The following PRDM11 variants were observed in gnomAD, a reference collection of about 807,000 sequenced individuals.
PRDM11 encodes PR/SET domain 11.
A neutral mutation model predicts 97.8 loss-of-function variants in PRDM11; 20 were observed. The observed-to-expected ratio is 0.20, with a 90% CI of 0.14 to 0.30. The LOEUF (loss-of-function observed/expected upper bound fraction) is 0.30, where lower values mean the gene tolerates loss of function less well. Ranked by LOEUF, PRDM11 falls within the 10% of genes least tolerant of loss-of-function variation. The pLI, the probability that PRDM11 is intolerant of heterozygous loss-of-function variation, is 1.00. For synonymous variants in PRDM11, 599 were observed against 637.7 expected (o/e 0.94, Z 0.91); for missense variants, 1,139 against 1,555.2 (o/e 0.73, Z 4.50).
At chr11:45,146,265 C>T (rs1851505213), upstream of PRDM11, among the ~76,000 whole-genome samples, 1 of 152,156 alleles carries the variant, frequency 6.6e-6, no homozygotes, top group African/African-American at 2.4e-5. Flanking sequence ...GTCGACTCCC[C>T]CCGACTATTT....
intron 1 of PRDM11, 96 bp downstream of exon 1, chr11:45,146,973 C>T (rs1016368342): frequency 4.8e-5 from 7 of 145,800 alleles, no homozygotes; most frequent in African/African-American, 1.5e-4. Context: ...GGTGCGGGGG[C>T]CGGGAGCGGC....
intron 4 of PRDM11, among the ~76,000 whole-genome samples, chr11:45,195,600 A>G (rs569730253): frequency 2.0e-5 from 3 of 150,076 alleles, no homozygotes; most frequent in African/African-American, 7.4e-5. Flanking sequence ...CTGAGACATC[A>G]TCTCTCTCTG....
chr11:45,191,825 T>A (rs528326080), intron 4 of PRDM11, among the ~76,000 whole-genome samples: 1 of 150,642 alleles, frequency 6.6e-6, no homozygotes, highest in Non-Finnish European at 1.5e-5. Flanking sequence ...ATTATTATTA[T>A]TACTATTATT....
At position 45,228,203 on chromosome 11, in the gene PRDM11, T is replaced by A. The variant is rs1854323344; in HGVS notation, c.*44T>A. On this transcript the variant is annotated 3_prime_UTR_variant, in exon 8 of 8. Coordinates refer to ENST00000683152, the MANE Select transcript of PRDM11 (RefSeq NM_001384648.1). ...TTCACTAAGCTGTTGAATATTTTTT[T>A]AATCTATACTCATAAGCTTTGATAT... is the stretch of plus-strand genomic sequence containing the variant. The A allele has an allele frequency of 3.7e-6, 5 of 1,367,910 alleles. No homozygotes were observed. Among genetic ancestry groups the A allele is most frequent in the East Asian group, 2.6e-5 (1 of 38,526 alleles). The allele number at this position is 1,367,910 out of a possible 1,614,324, so 84.7% of individuals were successfully genotyped here.
intron 1 of PRDM11, chr11:45,147,286 A>G (rs908070955): frequency 2.0e-5 from 3 of 151,150 alleles, no homozygotes; most frequent in Non-Finnish European, 2.9e-5. Flanking sequence ...ACGCGGTGAC[A>G]CGGACGGGGC....
chr11:45,227,951 A>C lies in PRDM11; in HGVS notation c.3326A>C (p.Glu1109Ala). The C allele has an allele frequency of 6.5e-7, 1 of 1,533,896 alleles. No homozygotes were observed. The highest frequency in any genetic ancestry group is 2.4e-5 in the East Asian group (1 of 40,910). Residue 1109 changes from glutamate to alanine, a missense_variant, in exon 8 of 8, where the codon GAG becomes GCG. Glu to Ala is a moderately radical substitution (Grantham distance 107, BLOSUM62 -1). Around this residue, in one of 2 missense-constraint regions of PRDM11, gnomAD observed 710 missense variants for 1,044.9 expected, o/e 0.68. Coordinates refer to ENST00000683152, the MANE Select transcript of PRDM11 (RefSeq NM_001384648.1). The surrounding 1 kb of genome is among the most constrained non-coding windows in gnomAD (Gnocchi z 8.0). ...RKNHRSRLTL[E>A]QLSDLLTIAV... ...AACCACCGCTCCCGCCTGACCCTGG[A>C]GCAGCTTAGCGACCTGTTGACAATC...
rs180887681 is a variant in PRDM11 at position 45,227,985 on chromosome 11, C to T, written c.3360C>T (p.Asn1120=). 33 of 1,533,828 alleles carry T rather than the reference C, an allele frequency of 2.2e-5. 1 individual carries two copies. The Admixed American group carries it at 2.9e-4, about 14-fold the overall frequency. The part of the protein sequence containing the change: ...QLSDLLTIAV[N]GPPITNFDAK... ...GCGACCTGTTGACAATCGCTGTAAACGGACCGCCAATCACCAACTTTGATG... is the reference window on the plus strand; with the variant it reads ...GCGACCTGTTGACAATCGCTGTAAATGGACCGCCAATCACCAACTTTGATG... Residue 1120 remains asparagine, a synonymous_variant, in exon 8 of 8, where the codon AAC becomes AAT. Transcript: ENST00000683152. The surrounding 1 kb of genome is among the most constrained non-coding windows in gnomAD (Gnocchi z 8.0).
chr11:45,141,894 T>C (rs1272281378), upstream of PRDM11, among the ~76,000 whole-genome samples: 1 of 152,144 alleles, frequency 6.6e-6, no homozygotes, highest in Non-Finnish European at 1.5e-5. Flanking sequence ...AAGGGAGTTT[T>C]TGTTGTTTCA....
intron 1 of PRDM11, among the ~76,000 whole-genome samples, chr11:45,119,294 A>T (rs772830935): frequency 7.9e-5 from 12 of 152,180 alleles, no homozygotes; most frequent in Non-Finnish European, 1.8e-4. Context: ...AGCTCAAAAC[A>T]TTCCAAGGTC....
intron 4 of PRDM11, among the ~76,000 whole-genome samples, chr11:45,196,972 T>A (rs1853144737): frequency 6.6e-6 from 1 of 152,218 alleles, no homozygotes; most frequent in Non-Finnish European, 1.5e-5. Context: ...TAAATACTAA[T>A]GCTTGTTGCA....
At chr11:45,115,706 G>T (rs959940196) in intron 1 of PRDM11, among the ~76,000 whole-genome samples, 1 of 152,016 alleles carries the variant, frequency 6.6e-6, no homozygotes, top group Admixed American at 6.6e-5. Context: ...GACGGGGGTG[G>T]ATCACCTGAC....
intron 1 of PRDM11, among the ~76,000 whole-genome samples, chr11:45,123,098 G>T (rs975575428): frequency 3.3e-5 from 5 of 152,172 alleles, no homozygotes; most frequent in South Asian, 2.1e-4. Context: ...GGCCAGTGAT[G>T]ATGAGCATTT....
At chr11:45,112,945 TTTTAG>T (rs1462511521) in intron 1 of PRDM11, among the ~76,000 whole-genome samples, 1 of 152,162 alleles carries the variant, frequency 6.6e-6, no homozygotes, top group Non-Finnish European at 1.5e-5. Context: ...TGCAGAAGCT[TTTTAG>T]TTTAATTAGG....
At chr11:45,107,523 G>A (rs1467342739) in intron 1 of PRDM11, among the ~76,000 whole-genome samples, 1 of 152,162 alleles carries the variant, frequency 6.6e-6, no homozygotes, top group Non-Finnish European at 1.5e-5. Flanking sequence ...AACTGATGAA[G>A]CAGAACAGAG....
chr11:45,115,131 T>C (rs2135615514), intron 1 of PRDM11, among the ~76,000 whole-genome samples: 1 of 145,816 alleles, frequency 6.9e-6, no homozygotes, highest in East Asian at 2.0e-4. Context: ...GAGCTCATAA[T>C]GTATATAGCA....
chr11:45,113,580 G>A (rs1316530740), intron 1 of PRDM11, among the ~76,000 whole-genome samples: 1 of 152,136 alleles, frequency 6.6e-6, no homozygotes, highest in Non-Finnish European at 1.5e-5. Flanking sequence ...CTATCCATGA[G>A]CATGGGATGT....
chr11:45,123,900 A>C (rs1400768831), intron 1 of PRDM11, among the ~76,000 whole-genome samples: 1 of 147,196 alleles, frequency 6.8e-6, no homozygotes, highest in Non-Finnish European at 1.5e-5. Flanking sequence ...TGGTAGCTTG[A>C]TGGGGATGGC....
intron 1 of PRDM11, among the ~76,000 whole-genome samples, chr11:45,119,428 C>A (rs550285269): frequency 6.6e-6 from 1 of 152,034 alleles, no homozygotes; most frequent in African/African-American, 2.4e-5. Flanking sequence ...GAGATCGAGA[C>A]CATTCTGGCT....
chr11:45,139,652 CATCTT>C lies in PRDM11; in HGVS notation c.97-42107_97-42103del. Among the ~76,000 whole-genome samples the C allele has an allele frequency of 2.0e-5, 3 of 151,274 alleles. No individual in the cohort carries two copies. The Middle Eastern group carries it at 0.01, about 529-fold the overall frequency. ...ACCCTGAAATTTCATTTTGGGAACTCATCTTAAGGGAATAACCAGAGAAGCAAACA... is the reference window on the plus strand; with the variant it reads ...ACCCTGAAATTTCATTTTGGGAACTCAAGGGAATAACCAGAGAAGCAAACA... On this transcript the variant is annotated intron_variant, in intron 1 of 6. Transcript: ENST00000530656.
Sources: gnomAD v4.1 joint callset for allele counts (sites outside exome capture counted in the v4.1 genomes callset) on GRCh38, gnomAD v4.1.1 for gene constraint, gnomAD v4.1.1 regional missense constraint, Gnocchi (gnomAD v3.1) non-coding constraint, MANE v1.5 for transcripts, NCBI Gene and HGNC (gene_info 2026-07-23, HGNC 2026-07-21) for gene names.